The following NCAM1 variants were observed in gnomAD, a reference collection of about 807,000 sequenced individuals.
The protein encoded by NCAM1 is antigen recognized by monoclonal antibody 5.1H11.
Under a neutral mutation model 109.8 loss-of-function variants are expected in NCAM1, and 14 were observed. That is an observed-to-expected ratio of 0.13 (90% CI 0.08 to 0.20). The LOEUF is 0.20. NCAM1 is among the 10% of genes least tolerant of loss of function. The probability of loss-of-function intolerance (pLI) is 1.00; values close to 1 mark genes in which losing one functional copy is unlikely to be tolerated. For synonymous variants in NCAM1, 418 were observed against 442.9 expected, an observed-to-expected ratio of 0.94 and a Z score of 0.70; for missense variants, 774 against 1,109.9, an observed-to-expected ratio of 0.70 and a Z score of 4.30.
intron 1 of NCAM1, among the ~76,000 whole-genome samples, chr11:113,030,148 G>A (rs1388487892): frequency 6.6e-6 from 1 of 152,174 alleles, no homozygotes. Context: ...ACAGATATGA[G>A]TAGTGCCTGT....
intron 1 of NCAM1, among the ~76,000 whole-genome samples, chr11:113,048,294 TG>T (rs1953342885): frequency 6.6e-6 from 1 of 152,208 alleles, no homozygotes. Flanking sequence ...GTTAAAACAA[TG>T]GGTATTTAGG....
Position 112,962,788 on chromosome 11 carries a change from G to A in NCAM1, c.52+1124G>A, listed in dbSNP as rs1950605271. Among the ~76,000 whole-genome samples the A allele has an allele frequency of 6.6e-6, 1 of 152,032 alleles. No homozygotes were observed. Among genetic ancestry groups the A allele is most frequent in the Non-Finnish European group, 1.5e-5 (1 of 67,990 alleles). ...CCCCCACCTCCACCCAAGGATTTGCGCTTTGGCTCTGATGGACGGGAGGGA... is the reference window on the plus strand; with the variant it reads ...CCCCCACCTCCACCCAAGGATTTGCACTTTGGCTCTGATGGACGGGAGGGA... On this transcript the variant is annotated intron_variant, in intron 1 of 19. Transcript: ENST00000316851. The surrounding 1 kb of genome is among the most constrained non-coding windows in gnomAD (Gnocchi z 5.6).
intron 1 of NCAM1, among the ~76,000 whole-genome samples, chr11:112,996,050 T>C (rs1185884743): frequency 6.6e-6 from 1 of 151,892 alleles, no homozygotes; most frequent in African/African-American, 2.4e-5. Context: ...ACTGTTTTGA[T>C]TTTTTTTAAA....
intron 15 of NCAM1, among the ~76,000 whole-genome samples, chr11:113,253,760 C>T (rs1945761231): frequency 6.6e-6 from 1 of 152,212 alleles, no homozygotes; most frequent in Admixed American, 6.5e-5. Context: ...TAAAAATCCC[C>T]TCCAGGCTAG....
Position 113,185,079 on chromosome 11 carries a change from T to TATATATATATATATATATAGAG in NCAM1, c.53-17299_53-17298insTATATATATATATATATAGAGA. On this transcript the variant is annotated intron_variant, in intron 1 of 19. Transcript: ENST00000316851. Reference sequence around the variant, plus strand: ...GTGTGCATTTATATTTATATATATATAGAGAGAGAGAGAGAGAGAGAGAGA... The same window carrying TATATATATATATATATATAGAG: ...GTGTGCATTTATATTTATATATATATATATATATATATATATATAGAGAGAGAGAGAGAGAGAGAGAGAGAGA... 2.0e-3 allele frequency among the ~76,000 whole-genome samples: 251 copies of TATATATATATATATATATAGAG among 125,608 alleles called. 1 individual carries two copies. Among genetic ancestry groups the TATATATATATATATATATAGAG allele is most frequent in the Non-Finnish European group, 2.7e-3 (166 of 60,978 alleles). The allele number at this position is 125,608 out of a possible 152,430, so 82.4% of individuals were successfully genotyped here. A position where few individuals can be genotyped will look rare whatever the true frequency, so the allele number is the denominator to read the frequency against.
intron 1 of NCAM1, among the ~76,000 whole-genome samples, chr11:113,047,576 A>T (rs79235953): frequency 0.014 from 2,205 of 152,246 alleles, 51 homozygotes; most frequent in African/African-American, 0.049. Flanking sequence ...TGAAGTCAAC[A>T]TCATGTCTTC....
At chr11:112,993,870 GT>G (rs1555070978) in intron 1 of NCAM1, among the ~76,000 whole-genome samples, 1 of 152,100 alleles carries the variant, frequency 6.6e-6, no homozygotes, top group Non-Finnish European at 1.5e-5. Flanking sequence ...ACCTTCTGAA[GT>G]TTTTTTAGTG....
chr11:113,210,984 C>T (rs537073556), intron 7 of NCAM1, among the ~76,000 whole-genome samples: 113 of 152,110 alleles, frequency 7.4e-4, no homozygotes, highest in Non-Finnish European at 1.3e-3. Context: ...TCATAGTCTG[C>T]GGAGCGTTCA....
chr11:113,112,751 G>T (rs1940501102), intron 1 of NCAM1, among the ~76,000 whole-genome samples: 4 of 152,124 alleles, frequency 2.6e-5, no homozygotes, highest in Admixed American at 6.6e-5. Context: ...CTTCTATGTG[G>T]ATTTTTTTTA....
At chr11:113,246,897 TC>T (rs1555120341) in intron 15 of NCAM1, among the ~76,000 whole-genome samples, 1 of 152,246 alleles carries the variant, frequency 6.6e-6, no homozygotes, top group East Asian at 1.9e-4. Context: ...TTGAGGACTT[TC>T]TGAAATAAGA....
At chr11:113,153,558 C>T (rs769823071) in intron 1 of NCAM1, among the ~76,000 whole-genome samples, 1 of 151,900 alleles carries the variant, frequency 6.6e-6, no homozygotes, top group Non-Finnish European at 1.5e-5. Context: ...TAGATGGTGA[C>T]ACTTTTAAGA....
chr11:113,162,888 C>T (rs1481674492), intron 1 of NCAM1, among the ~76,000 whole-genome samples: 1 of 152,200 alleles, frequency 6.6e-6, no homozygotes, highest in African/African-American at 2.4e-5. Context: ...AATGGACGTT[C>T]AGTTCATTGC....
intron 1 of NCAM1, among the ~76,000 whole-genome samples, chr11:113,048,230 A>G (rs1355479848): frequency 1.3e-5 from 2 of 152,202 alleles, no homozygotes; most frequent in Admixed American, 6.5e-5. Context: ...TGGCATTGCT[A>G]TCTGTTCCAA....
Position 112,963,041 on chromosome 11 carries a change from A to G in NCAM1, c.52+1377A>G, listed in dbSNP as rs1430216617. On this transcript the variant is annotated intron_variant, in intron 1 of 19. Coordinates refer to ENST00000316851, the MANE Select transcript of NCAM1 (RefSeq NM_181351.5). The surrounding 1 kb of genome is among the most constrained non-coding windows in gnomAD (Gnocchi z 4.6). ...CCCCCTCCGCGGGCGGCACAAGAGC[A>G]GCGCTCGGCCGCCGCCTCCAGCCAA... Among the ~76,000 whole-genome samples the G allele has an allele frequency of 6.6e-6, 1 of 151,996 alleles. No individual in the cohort carries two copies. The highest frequency in any genetic ancestry group is 2.4e-5 in the African/African-American group (1 of 41,416).
intron 1 of NCAM1, among the ~76,000 whole-genome samples, chr11:113,125,721 C>T (rs1187488014): frequency 1.3e-5 from 2 of 152,192 alleles, no homozygotes; most frequent in East Asian, 3.9e-4. Context: ...GGCTCCAGGC[C>T]ACCCTTTGGA....
At chr11:113,087,673 T>C (rs147133989) in intron 1 of NCAM1, among the ~76,000 whole-genome samples, 72 of 152,346 alleles carry the variant, frequency 4.7e-4, no homozygotes, top group African/African-American at 1.7e-3. Context: ...GTATGAGGCA[T>C]GAATAACTCA....
At chr11:113,251,025 T>C (rs554919066) in intron 15 of NCAM1, among the ~76,000 whole-genome samples, 123 of 152,306 alleles carry the variant, frequency 8.1e-4, no homozygotes, top group African/African-American at 2.8e-3. Context: ...GGTCTTGAAC[T>C]CCTGACCTCA....
chr11:113,165,959 A>G (rs1942781625), intron 1 of NCAM1, among the ~76,000 whole-genome samples: 1 of 151,756 alleles, frequency 6.6e-6, no homozygotes, highest in Non-Finnish European at 1.5e-5. Flanking sequence ...AGCTGGGACT[A>G]CAGGCGCCTA....
At chr11:113,261,860 C>G (rs781820192) in intron 17 of NCAM1, among the ~76,000 whole-genome samples, 3 of 152,178 alleles carry the variant, frequency 2.0e-5, no homozygotes, top group African/African-American at 7.2e-5. Context: ...ATGCTGGGTA[C>G]TCCTAGCAGC....
Sources: gnomAD v4.1 joint callset for allele counts (sites outside exome capture counted in the v4.1 genomes callset) on GRCh38, gnomAD v4.1.1 for gene constraint, Gnocchi (gnomAD v3.1) non-coding constraint, MANE v1.5 for transcripts, NCBI Gene and HGNC (gene_info 2026-07-23, HGNC 2026-07-21) for gene names.